CNTN5: variants seen among roughly 807,000 people sequenced by gnomAD.
CNTN5 encodes the protein contactin 5.
A neutral mutation model predicts 129.1 loss-of-function variants in CNTN5; 77 were observed. The ratio of observed to expected loss-of-function variants is 0.60; its 90% CI spans 0.50 to 0.72. The LOEUF (loss-of-function observed/expected upper bound fraction) is 0.72, where lower values mean the gene tolerates loss of function less well. CNTN5 is among the 30% of genes least tolerant of loss of function. The probability of loss-of-function intolerance (pLI) is 0.00; values close to 1 mark genes in which losing one functional copy is unlikely to be tolerated. For synonymous variants in CNTN5, 509 were observed against 465.6 expected (o/e 1.09, Z -1.20); for missense variants, 1,478 against 1,328.8 (o/e 1.11, Z -1.75).
Position 99,695,689 on chromosome 11 carries a change from G to A in CNTN5, c.56-123855G>A, listed in dbSNP as rs181444552. 2.5e-3 allele frequency among the ~76,000 whole-genome samples: 385 copies of A among 151,954 alleles called. 3 individuals carry two copies. The highest frequency in any genetic ancestry group is 2.6e-3 in the Non-Finnish European group (175 of 67,932). The stretch of plus-strand genomic sequence containing the variant: ...GAGGTTTGAGACCAACCTGGGCAAC[G>A]TAGGAACATAGACTCCATCTCTACA... On this transcript the variant is annotated intron_variant, in intron 3 of 24. Transcript: ENST00000524871.
At chr11:99,685,697 T>C (rs574010509) in intron 3 of CNTN5, among the ~76,000 whole-genome samples, 17 of 152,104 alleles carry the variant, frequency 1.1e-4, no homozygotes, top group Non-Finnish European at 8.8e-5. Flanking sequence ...AATTTCATCT[T>C]TGATTTTCAA....
intron 2 of CNTN5, among the ~76,000 whole-genome samples, chr11:99,380,081 C>CTGTGTGTG (rs10671165): frequency 0.011 from 1,683 of 148,272 alleles, 31 homozygotes; most frequent in African/African-American, 0.039. Context: ...AATGGTGTGT[C>CTGTGTGTG]TGTGTGTGTG....
rs552088407 is a variant in CNTN5, at chr11:99,625,120, C to A, written c.55+68851C>A. 2.6e-5 allele frequency among the ~76,000 whole-genome samples: 4 copies of A among 152,276 alleles called. No individual in the cohort carries two copies. In the South Asian group the frequency reaches 8.3e-4, roughly 32 times the overall value. ...TGAAAGATTATCTATTGGTTAAAGT[C>A]ACCCTGCAGGACAGGAAATAGATTA... is the stretch of plus-strand genomic sequence containing the variant. On this transcript the variant is annotated intron_variant, in intron 3 of 24. Coordinates refer to ENST00000524871, the MANE Select transcript of CNTN5 (RefSeq NM_014361.4).
chr11:99,741,885 A>G (rs1407267153), intron 3 of CNTN5, among the ~76,000 whole-genome samples: 1 of 152,096 alleles, frequency 6.6e-6, no homozygotes, highest in African/African-American at 2.4e-5. Flanking sequence ...TTTTGCATAA[A>G]TATGCCCAGT....
In CNTN5 at chr11:100,109,968, C is replaced by T. The variant is rs544801044; in HGVS notation, c.1580+35674C>T. ...CCGAGATGAGTGGATTGCTTGAGTT[C>T]AGGACTTTAAGACCAGCCTGGCAAC... On this transcript the variant is annotated intron_variant, in intron 13 of 24. Coordinates refer to ENST00000524871, the MANE Select transcript of CNTN5 (RefSeq NM_014361.4). Among the ~76,000 whole-genome samples the T allele has an allele frequency of 4.6e-5, 7 of 152,074 alleles. 1 individual carries two copies. In the South Asian group the frequency reaches 1.5e-3, roughly 32 times the overall value.
Position 100,286,458 on chromosome 11 carries a change from A to G in CNTN5, c.2315-11167A>G, listed in dbSNP as rs1164344983. ...AGTGGGTCCCTGACCCCTGACCCCC[A>G]AGCAGCCTAACTGGGAGGCACCCCC... is the stretch of plus-strand genomic sequence containing the variant. On this transcript the variant is annotated intron_variant, in intron 18 of 24. Transcript: ENST00000524871. Among the ~76,000 whole-genome samples, 127 of 149,658 alleles carry G rather than the reference A, an allele frequency of 8.5e-4. No individual in the cohort carries two copies. In the East Asian group the frequency reaches 0.013, roughly 16 times the overall value.
intron 13 of CNTN5, among the ~76,000 whole-genome samples, chr11:100,181,612 A>C (rs768809590): frequency 2.6e-5 from 4 of 152,134 alleles, no homozygotes; most frequent in Non-Finnish European, 4.4e-5. Context: ...AACGCGTATA[A>C]AAATATCAAT....
chr11:99,915,631 A>G (rs1461414906), intron 6 of CNTN5, among the ~76,000 whole-genome samples: 3 of 152,202 alleles, frequency 2.0e-5, no homozygotes, highest in African/African-American at 4.8e-5. Flanking sequence ...TTTACACATC[A>G]TTCTTAGCCT....
At chr11:99,594,067 A>G (rs1235346685) in intron 3 of CNTN5, among the ~76,000 whole-genome samples, 1 of 152,184 alleles carries the variant, frequency 6.6e-6, no homozygotes, top group East Asian at 1.9e-4. Flanking sequence ...TACAATTACT[A>G]TATAGGCCTG....
intron 20 of CNTN5, among the ~76,000 whole-genome samples, chr11:100,306,538 C>G (rs35837384): frequency 0.012 from 1,838 of 151,800 alleles, 18 homozygotes; most frequent in Middle Eastern, 0.037. Flanking sequence ...AGAAGTAAAA[C>G]TGCTACGGAA....
At chr11:100,246,487 A>G (rs759789899) in intron 16 of CNTN5, among the ~76,000 whole-genome samples, 12 of 152,158 alleles carry the variant, frequency 7.9e-5, no homozygotes, top group South Asian at 2.1e-4. Context: ...GGCTCTAGTC[A>G]TAGAAGTTGA....
chr11:99,887,810 G>C (rs1948939072), intron 6 of CNTN5, among the ~76,000 whole-genome samples: 1 of 152,196 alleles, frequency 6.6e-6, no homozygotes, highest in Admixed American at 6.5e-5. Flanking sequence ...AGTTCTTCCA[G>C]CTTCTTCCGC....
intron 3 of CNTN5, among the ~76,000 whole-genome samples, chr11:99,811,786 A>T (rs1946435811): frequency 6.6e-6 from 1 of 152,022 alleles, no homozygotes; most frequent in African/African-American, 2.4e-5. Flanking sequence ...TTATCACAAA[A>T]TCTCTGGGCC....
At chr11:99,812,763 C>T (rs187136304) in intron 3 of CNTN5, among the ~76,000 whole-genome samples, 1 of 152,122 alleles carries the variant, frequency 6.6e-6, no homozygotes, top group African/African-American at 2.4e-5. Context: ...AATGCGTGGC[C>T]AAGATGGAGG....
intron 21 of CNTN5, among the ~76,000 whole-genome samples, chr11:100,323,874 A>G (rs1037860074): frequency 1.4e-4 from 21 of 152,000 alleles, no homozygotes; most frequent in African/African-American, 2.9e-4. Context: ...TTTTTCCAGT[A>G]TATATATTAA....
At chr11:99,771,303 A>G (rs1188831759) in intron 3 of CNTN5, among the ~76,000 whole-genome samples, 2 of 152,038 alleles carry the variant, frequency 1.3e-5, no homozygotes, top group African/African-American at 4.8e-5. Context: ...TCACCATAGC[A>G]AAGACACCGA....
chr11:100,074,365 A>G (rs1387307102), intron 13 of CNTN5, 71 bp downstream of exon 13: 2 of 1,286,360 alleles, frequency 1.6e-6, no homozygotes, highest in African/African-American at 1.5e-5. Context: ...CACACAAACT[A>G]TGCAAGAAAG....
At chr11:99,318,097 TAAA>T (rs1865421553) in intron 1 of CNTN5, among the ~76,000 whole-genome samples, 1 of 152,178 alleles carries the variant, frequency 6.6e-6, no homozygotes, top group Admixed American at 6.5e-5. Context: ...TTAAACAGCA[TAAA>T]AACCCATAAA....
chr11:99,981,000 C>T (rs917178460), intron 8 of CNTN5, among the ~76,000 whole-genome samples: 43 of 147,640 alleles, frequency 2.9e-4, no homozygotes, highest in African/African-American at 9.9e-4. Context: ...CACATGAATA[C>T]AACCATATAT....
Sources: gnomAD v4.1 joint callset for allele counts (sites outside exome capture counted in the v4.1 genomes callset) on GRCh38, gnomAD v4.1.1 for gene constraint, MANE v1.5 for transcripts, NCBI Gene and HGNC (gene_info 2026-07-23, HGNC 2026-07-21) for gene names.